The following KIAA0586 variants were observed in gnomAD, a reference collection of about 807,000 sequenced individuals.
The protein encoded by KIAA0586 is protein TALPID3.
A neutral mutation model predicts 169.8 loss-of-function variants in KIAA0586; 144 were observed. The ratio of observed to expected loss-of-function variants is 0.85; its 90% CI spans 0.74 to 0.97. The LOEUF (loss-of-function observed/expected upper bound fraction) is 0.97, where lower values mean the gene tolerates loss of function less well. Among genes scored for constraint, KIAA0586 ranks in the 50% least tolerant of loss-of-function variants. The pLI is 0.00. For synonymous variants in KIAA0586, 625 were observed against 612.4 expected, an observed-to-expected ratio of 1.02 and a Z score of -0.30; for missense variants, 1,854 against 1,823.0, an observed-to-expected ratio of 1.02 and a Z score of -0.31.
At chr14:58,552,017 A>AGGCG (rs2047214923), downstream of KIAA0586, among the ~76,000 whole-genome samples, 1 of 152,022 alleles carries the variant, frequency 6.6e-6, no homozygotes, top group African/African-American at 2.4e-5. Context: ...CCTCAGGGGG[A>AGGCG]GGCTGGGCAG....
chr14:58,470,443 T>C (rs1158338533), intron 16 of KIAA0586, among the ~76,000 whole-genome samples, 170 bp from the exon 17 acceptor site: 1 of 152,158 alleles, frequency 6.6e-6, no homozygotes, highest in Non-Finnish European at 1.5e-5. Flanking sequence ...TATGCTTTCA[T>C]AATTAAAAAA....
At chr14:58,537,694 C>G (rs767680843) in intron 29 of KIAA0586, among the ~76,000 whole-genome samples, 1 of 152,014 alleles carries the variant, frequency 6.6e-6, no homozygotes, top group Non-Finnish European at 1.5e-5. Context: ...GTCACCCACG[C>G]TGGAGTGCAG....
chr14:58,518,552 G>A (rs1188450722), intron 29 of KIAA0586, among the ~76,000 whole-genome samples: 1 of 152,098 alleles, frequency 6.6e-6, no homozygotes, highest in Non-Finnish European at 1.5e-5. Context: ...GTTTTTTACT[G>A]GCACATCCAA....
intron 13 of KIAA0586, among the ~76,000 whole-genome samples, chr14:58,460,391 T>A (rs1025387369): frequency 6.6e-6 from 1 of 152,074 alleles, no homozygotes; most frequent in African/African-American, 2.4e-5. Flanking sequence ...AAATTTTCAT[T>A]TGCGTGTGTG....
intron 29 of KIAA0586, among the ~76,000 whole-genome samples, chr14:58,518,780 A>AT (rs2044962751): frequency 6.6e-6 from 1 of 152,174 alleles, no homozygotes; most frequent in African/African-American, 2.4e-5. Context: ...CGTCTTATTC[A>AT]TTTTAACCCA....
Position 58,547,882 on chromosome 14 carries a change from C to G in KIAA0586, c.4597C>G (p.Leu1533Val). 1 of 1,613,708 alleles carries G rather than the reference C, an allele frequency of 6.2e-7. No homozygotes were observed. The highest frequency in any genetic ancestry group is 8.5e-7 in the Non-Finnish European group (1 of 1,179,752). Reference sequence around the variant, plus strand: ...CGAGGACTGCTCTCAGTCTCTGAGTCTCAGCACAATGCAGGAGGACATGGA... The same window carrying G: ...CGAGGACTGCTCTCAGTCTCTGAGTGTCAGCACAATGCAGGAGGACATGGA... ...NLEDCSQSLS[L>V]STMQEDMESS... Residue 1533 changes from leucine to valine, a missense_variant, in exon 31 of 31, where the codon CTC (leucine) becomes GTC (valine). By Grantham distance (32) the Leu-to-Val change is conservative. Transcript: ENST00000652326.
intron 29 of KIAA0586, among the ~76,000 whole-genome samples, chr14:58,518,777 T>C (rs2044962094): frequency 6.6e-6 from 1 of 152,216 alleles, no homozygotes; most frequent in Non-Finnish European, 1.5e-5. Flanking sequence ...AAACGTCTTA[T>C]TCATTTTAAC....
Position 58,488,688 on chromosome 14 carries a change from G to T in KIAA0586, c.3595G>T (p.Glu1199Ter). 1 of 1,613,878 alleles carries T rather than the reference G, an allele frequency of 6.2e-7. No homozygotes were observed. The highest frequency in any genetic ancestry group is 8.5e-7 in the Non-Finnish European group (1 of 1,179,846). Residue 1199 changes from glutamate (E) to a stop codon, truncating the protein, a stop_gained, in exon 24 of 31, where the codon GAG (glutamate) becomes TAG (stop). Coordinates refer to ENST00000652326, the MANE Select transcript of KIAA0586 (RefSeq NM_001329943.3). LOFTEE classifies it high-confidence loss of function. Reference sequence around the variant, plus strand: ...TTTCCCTGCTCAGCCTCCACCTCCAGAGCCAGTTCCCTTTATGCCATTTCC... The same window carrying T: ...TTTCCCTGCTCAGCCTCCACCTCCATAGCCAGTTCCCTTTATGCCATTTCC... The part of the protein sequence containing the change: ...MDFPAQPPPP[E>*]PVPFMPFPAG...
chr14:58,539,902 T>G, intron 29 of KIAA0586, 169 bp from the exon 30 acceptor site: 1 of 511,920 alleles, frequency 2.0e-6, no homozygotes, highest in Non-Finnish European at 3.5e-6. Context: ...TTCAGCTGTT[T>G]AACTTCCTTC....
Position 58,536,289 on chromosome 14 carries a change from C to A in KIAA0586, c.4430-3782C>A, listed in dbSNP as rs190045018. On this transcript the variant is annotated intron_variant, in intron 29 of 30. Transcript: ENST00000652326. ...TTGTACTTGATAGGTTATTTTTCAA[C>A]CCTGCCCCCCCTTCGCTGGCTTTTG... is the stretch of plus-strand genomic sequence containing the variant. Among the ~76,000 whole-genome samples, 13 of 152,130 alleles carry A rather than the reference C, an allele frequency of 8.5e-5. No homozygotes were observed. In the East Asian group the frequency reaches 2.5e-3, roughly 29 times the overall value.
intron 29 of KIAA0586, among the ~76,000 whole-genome samples, chr14:58,538,748 T>C (rs1201489044): frequency 6.6e-6 from 1 of 150,986 alleles, no homozygotes; most frequent in African/African-American, 2.5e-5. Context: ...CAGCCTGTGG[T>C]AACCATCCTT....
At chr14:58,522,846 G>C (rs1208104185) in intron 29 of KIAA0586, among the ~76,000 whole-genome samples, 1 of 152,048 alleles carries the variant, frequency 6.6e-6, no homozygotes, top group African/African-American at 2.4e-5. Flanking sequence ...CTTGCAGATT[G>C]TTTTTATGTA....
intron 4 of KIAA0586, among the ~76,000 whole-genome samples, chr14:58,438,338 T>C (rs1372013882): frequency 2.0e-5 from 3 of 152,190 alleles, no homozygotes; most frequent in Non-Finnish European, 4.4e-5. Flanking sequence ...GTTTCTCTTA[T>C]TGGGCAAAGG....
intron 1 of KIAA0586, among the ~76,000 whole-genome samples, 154 bp from the exon 2 acceptor site, chr14:58,429,209 T>C (rs1392831620): frequency 1.3e-5 from 2 of 152,240 alleles, no homozygotes; most frequent in African/African-American, 4.8e-5. Flanking sequence ...TTCAGATATG[T>C]TTAAATACAT....
At chr14:58,530,023 A>C (rs1376813977) in intron 29 of KIAA0586, among the ~76,000 whole-genome samples, 1 of 152,226 alleles carries the variant, frequency 6.6e-6, no homozygotes, top group Non-Finnish European at 1.5e-5. Context: ...AGGGTACAAA[A>C]TCAATGTGCA....
At chr14:58,470,905 G>A (rs1057195749) in intron 17 of KIAA0586, among the ~76,000 whole-genome samples, 182 bp downstream of exon 17, 1 of 151,894 alleles carries the variant, frequency 6.6e-6, no homozygotes, top group Non-Finnish European at 1.5e-5. Flanking sequence ...AGGCTGGAGT[G>A]CAGTGGTGTG....
rs932650669 is a variant in KIAA0586, at chr14:58,488,519, T to C, written c.3528-102T>C. 2.2e-6 allele frequency: 3 copies of C among 1,340,284 alleles called. No individual in the cohort carries two copies. The African/African-American group carries it at 4.4e-5, about 20-fold the overall frequency. 83.0% of individuals were successfully genotyped at this position (1,340,284 alleles called of 1,614,324 possible). ...ATAGTAGTGCAGATTTAAAAAAATA[T>C]TTTGCTAAAGGAGACATAGTCTTCG... On this transcript the variant is annotated intron_variant, in intron 23 of 30. Coordinates refer to ENST00000652326, the MANE Select transcript of KIAA0586 (RefSeq NM_001329943.3).
chr14:58,427,947 G>T lies in KIAA0586; in HGVS notation c.-318G>T. 7.2e-7 allele frequency: 1 copy of T among 1,391,016 alleles called. No individual in the cohort carries two copies. Among genetic ancestry groups the T allele is most frequent in the Non-Finnish European group, 9.4e-7 (1 of 1,066,782 alleles). The allele number at this position is 1,391,016 out of a possible 1,614,324, so 86.2% of individuals were successfully genotyped here. ...TTTAAGCCCGCCACTACATGTGTTT[G>T]GTTTTGCCCTACCAGCTCTGGGGTT... On this transcript the variant is annotated 5_prime_UTR_variant, in exon 1 of 31. Coordinates refer to ENST00000652326, the MANE Select transcript of KIAA0586 (RefSeq NM_001329943.3).
Position 58,537,057 on chromosome 14 carries a change from G to A in KIAA0586, c.4430-3014G>A, listed in dbSNP as rs1445227211. ...TAAGAACTGACAAACTTGAGAAGCA[G>A]TTTTCAAGTTGTGTTGACCTAGTTG... On this transcript the variant is annotated intron_variant, in intron 29 of 30. Transcript: ENST00000652326. 1.7e-5 allele frequency: 21 copies of A among 1,268,398 alleles called. 1 individual carries two copies. Among genetic ancestry groups the A allele is most frequent in the African/African-American group, 3.1e-5 (2 of 64,894 alleles). The allele number at this position is 1,268,398 out of a possible 1,614,324, so 78.6% of individuals were successfully genotyped here. A position where few individuals can be genotyped will look rare whatever the true frequency, so the allele number is the denominator to read the frequency against.
Sources: gnomAD v4.1 joint callset for allele counts (sites outside exome capture counted in the v4.1 genomes callset) on GRCh38, gnomAD v4.1.1 for gene constraint, MANE v1.5 for transcripts, NCBI Gene and HGNC (gene_info 2026-07-23, HGNC 2026-07-21) for gene names.